Variants in FRAS1 observed in about 807,000 individuals in gnomAD.
The protein encoded by FRAS1 is extracellular matrix organizing protein FRAS1.
FRAS1 carries 290 observed loss-of-function variants against 435.2 expected under a neutral mutation model. The ratio of observed to expected loss-of-function variants is 0.67; its 90% confidence interval spans 0.61 to 0.73. FRAS1 has a LOEUF of 0.73. FRAS1 is among the 30% of genes least tolerant of loss of function. FRAS1 has a pLI of 0.00. For synonymous variants in FRAS1, 1,800 were observed against 1,851.0 expected (o/e 0.97, Z 0.71); for missense variants, 4,860 against 5,001.5 (o/e 0.97, Z 0.85).
intron 47 of FRAS1, among the ~76,000 whole-genome samples, chr4:78,459,632 G>A (rs565809261): frequency 1.2e-4 from 18 of 152,376 alleles, no homozygotes; most frequent in African/African-American, 4.1e-4. Context: ...CCTGAGAGCA[G>A]AGGCATATTA....
chr4:78,499,606 A>T, intron 60 of FRAS1, 115 bp from the exon 61 acceptor site: 1 of 955,494 alleles, frequency 1.0e-6, no homozygotes, highest in Middle Eastern at 3.6e-4. Flanking sequence ...TTTTGCCTTC[A>T]TACTGTTAAC....
intron 20 of FRAS1, among the ~76,000 whole-genome samples, chr4:78,357,624 G>C (rs1040012004): frequency 6.6e-6 from 1 of 152,060 alleles, no homozygotes; most frequent in Non-Finnish European, 1.5e-5. Flanking sequence ...TTTTTCGGCC[G>C]GGTGAGGTGG....
In FRAS1 at chr4:78,096,723, C is replaced by G. The variant is rs144965006; in HGVS notation, c.108+30707C>G. Among the ~76,000 whole-genome samples, 328 of 152,326 alleles carry G rather than the reference C, an allele frequency of 2.2e-3. 2 individuals are homozygous for G. Among genetic ancestry groups the G allele is most frequent in the African/African-American group, 7.1e-3 (297 of 41,576 alleles). ...GTAGCTCAGAGGCAGGGCACCAAATCCCTACACTCCACACAGCAAGTGGAC... is the reference window on the plus strand; with the variant it reads ...GTAGCTCAGAGGCAGGGCACCAAATGCCTACACTCCACACAGCAAGTGGAC... On this transcript the variant is annotated intron_variant, in intron 2 of 73. Transcript: ENST00000512123.
Position 78,142,416 on chromosome 4 carries a change from A to G in FRAS1, c.108+76400A>G, listed in dbSNP as rs1316213174. Among the ~76,000 whole-genome samples, 4 of 151,920 alleles carry G rather than the reference A, an allele frequency of 2.6e-5. No individual in the cohort carries two copies. In the East Asian group the frequency reaches 7.8e-4, roughly 30 times the overall value. ...TTATCTCTGATACCTTTTCATTTAA[A>G]ATATTCTGTACTCAAGCAGAAATAA... On this transcript the variant is annotated intron_variant, in intron 2 of 73. Transcript: ENST00000512123.
intron 2 of FRAS1, among the ~76,000 whole-genome samples, chr4:78,199,598 A>C (rs1339399513): frequency 6.6e-6 from 1 of 152,258 alleles, no homozygotes; most frequent in Non-Finnish European, 1.5e-5. Flanking sequence ...TGAAACAATT[A>C]GTATTTCCAA....
chr4:78,118,106 C>T (rs950132214), intron 2 of FRAS1, among the ~76,000 whole-genome samples: 1 of 151,928 alleles, frequency 6.6e-6, no homozygotes, highest in African/African-American at 2.4e-5. Flanking sequence ...TCCAGACCCT[C>T]TTTGCCTGGG....
intron 20 of FRAS1, among the ~76,000 whole-genome samples, chr4:78,357,800 G>A (rs1457736065): frequency 1.3e-5 from 2 of 152,168 alleles, no homozygotes; most frequent in Non-Finnish European, 2.9e-5. Context: ...CTACTCAAGA[G>A]AATGAAGCAG....
At chr4:78,169,804 T>C (rs17003012) in intron 2 of FRAS1, among the ~76,000 whole-genome samples, 2,341 of 152,168 alleles carry the variant, frequency 0.015, 64 homozygotes, top group African/African-American at 0.053. Context: ...ACCATCTGAG[T>C]TGACAGTGTA....
At position 78,319,112 on chromosome 4, in the gene FRAS1, A is replaced by G. The variant is rs1031574655; in HGVS notation, c.2137+126A>G. 3.2e-6 allele frequency: 3 copies of G among 946,002 alleles called. No homozygotes were observed. In the African/African-American group the frequency reaches 4.9e-5, roughly 16 times the overall value. The allele number at this position is 946,002 out of a possible 1,614,324, so 58.6% of individuals were successfully genotyped here. On this transcript the variant is annotated intron_variant, in intron 18 of 73. Coordinates refer to ENST00000512123, the MANE Select transcript of FRAS1 (RefSeq NM_025074.7). Reference sequence around the variant, plus strand: ...GAATGGTTCCTAGATGCTTGTGAATAAAGCAGGAGACCAACGTGCAAAAGA... The same window carrying G: ...GAATGGTTCCTAGATGCTTGTGAATGAAGCAGGAGACCAACGTGCAAAAGA...
At position 78,265,083 on chromosome 4, in the gene FRAS1, G is replaced by C. The variant is rs1361912606; in HGVS notation, c.662G>C (p.Cys221Ser). 6.2e-7 allele frequency: 1 copy of C among 1,613,124 alleles called. No individual in the cohort carries two copies. The highest frequency in any genetic ancestry group is 8.5e-7 in the Non-Finnish European group (1 of 1,179,510). Residue 221 changes from cysteine to serine, a missense_variant, in exon 7 of 74, where the codon TGC becomes TCC. Cys to Ser is a moderately radical substitution (Grantham distance 112). Transcript: ENST00000512123. The part of the protein sequence containing the change: ...KCCPQCSARS[C>S]SAAGQVYEHG... ...TGCCCGCAGTGCTCTGCAAGATCCT[G>C]CTCTGCAGCTGGCCAAGTATACGAG...
chr4:78,373,718 T>C (rs1252755850), intron 24 of FRAS1, among the ~76,000 whole-genome samples: 2 of 151,936 alleles, frequency 1.3e-5, no homozygotes, highest in African/African-American at 4.8e-5. Flanking sequence ...GAGGTTGCGG[T>C]GAGCCGAGAT....
intron 2 of FRAS1, among the ~76,000 whole-genome samples, chr4:78,214,648 G>T (rs1019756594): frequency 1.3e-5 from 2 of 152,176 alleles, no homozygotes; most frequent in African/African-American, 4.8e-5. Flanking sequence ...TTTTACAGCA[G>T]AAATTTCCCT....
In FRAS1 at chr4:78,473,473, C is replaced by T; in HGVS notation, c.7558C>T (p.His2520Tyr). 6.2e-7 allele frequency: 1 copy of T among 1,613,400 alleles called. No individual in the cohort carries two copies. Among genetic ancestry groups the T allele is most frequent in the African/African-American group, 1.3e-5 (1 of 74,966 alleles). The change falls in exon 53 of 74, where the codon CAC becomes TAC. Residue 2520 changes from histidine (H) to tyrosine (Y), a missense_variant. His to Tyr is a moderately conservative substitution (Grantham distance 83). Transcript: ENST00000512123. ...VNLGLIRYVL[H>Y]KEKIREMMDS... ...CTTGGGGTTGATTCGTTATGTGTTG[C>T]ACAAGGAGAAGATCCGTGAGATGAT...
At chr4:78,494,278 T>G (rs1261697873) in intron 59 of FRAS1, among the ~76,000 whole-genome samples, 1 of 152,168 alleles carries the variant, frequency 6.6e-6, no homozygotes, top group Non-Finnish European at 1.5e-5. Flanking sequence ...TATTTTATGG[T>G]ATATGTCTTA....
intron 9 of FRAS1, among the ~76,000 whole-genome samples, chr4:78,273,111 G>A (rs889989121): frequency 2.0e-5 from 3 of 152,142 alleles, no homozygotes; most frequent in African/African-American, 7.2e-5. Flanking sequence ...TTGGCTCTCT[G>A]TTTATCTGTT....
chr4:78,306,195 C>A (rs1242533648), intron 14 of FRAS1, among the ~76,000 whole-genome samples: 1 of 151,944 alleles, frequency 6.6e-6, no homozygotes, highest in Non-Finnish European at 1.5e-5. Flanking sequence ...TTGGCCCCCA[C>A]TCTCTTCTGG....
intron 34 of FRAS1, among the ~76,000 whole-genome samples, chr4:78,423,636 G>A (rs1177559233): frequency 6.6e-6 from 1 of 152,136 alleles, no homozygotes; most frequent in African/African-American, 2.4e-5. Flanking sequence ...AATGATGTTT[G>A]CCATTATTTA....
intron 2 of FRAS1, among the ~76,000 whole-genome samples, chr4:78,175,962 C>T (rs527462093): frequency 1.3e-5 from 2 of 152,200 alleles, no homozygotes; most frequent in South Asian, 2.1e-4. Flanking sequence ...ACTAGGTTGC[C>T]GTCTCTTGGT....
intron 2 of FRAS1, among the ~76,000 whole-genome samples, chr4:78,150,450 A>T (rs866698340): frequency 6.6e-6 from 1 of 152,186 alleles, no homozygotes; most frequent in Non-Finnish European, 1.5e-5. Context: ...TCTAGACAGC[A>T]TATCTTTTCA....
Sources: gnomAD v4.1 joint callset for allele counts (sites outside exome capture counted in the v4.1 genomes callset) on GRCh38, gnomAD v4.1.1 for gene constraint, MANE v1.5 for transcripts, NCBI Gene and HGNC (gene_info 2026-07-23, HGNC 2026-07-21) for gene names.